Variants in EYS observed in about 807,000 individuals in gnomAD.
EYS encodes the protein EGF-like photoreceptor maintenance factor.
A neutral mutation model predicts 282.1 loss-of-function variants in EYS; 250 were observed. That is an observed-to-expected ratio of 0.89 (90% confidence interval 0.80 to 0.98). The LOEUF (loss-of-function observed/expected upper bound fraction) is 0.98, where lower values mean the gene tolerates loss of function less well. Among genes scored for constraint, EYS ranks in the 50% least tolerant of loss-of-function variants. EYS has a pLI of 0.00. For missense variants in EYS, 4,016 were observed against 3,709.0 expected (o/e 1.08, Z -2.15); for synonymous variants, 1,355 against 1,282.9 (o/e 1.06, Z -1.20).
At chr6:65,507,170 C>T (rs1216186309) in intron 2 of EYS, among the ~76,000 whole-genome samples, 1 of 151,572 alleles carries the variant, frequency 6.6e-6, no homozygotes, top group Non-Finnish European at 1.5e-5. Context: ...TACTTCTTCA[C>T]TTTTAAAGTA....
chr6:64,245,331 T>TTGTTC (rs1243994922), intron 30 of EYS, among the ~76,000 whole-genome samples: 6 of 151,852 alleles, frequency 4.0e-5, no homozygotes, highest in African/African-American at 1.5e-4. Context: ...TTGTTTTGTT[T>TTGTTC]TGTTTTGTTT....
At chr6:65,277,666 A>T (rs1768087242) in intron 12 of EYS, among the ~76,000 whole-genome samples, 1 of 152,122 alleles carries the variant, frequency 6.6e-6, no homozygotes, top group Non-Finnish European at 1.5e-5. Context: ...AACCAAACTG[A>T]CTTATCCATC....
intron 12 of EYS, among the ~76,000 whole-genome samples, chr6:65,068,902 C>G (rs971919840): frequency 6.6e-6 from 1 of 152,006 alleles, no homozygotes; most frequent in African/African-American, 2.4e-5. Context: ...CCTTAGTATA[C>G]TTTTAAATTT....
At chr6:64,699,257 A>T (rs568413785) in intron 22 of EYS, among the ~76,000 whole-genome samples, 2 of 152,218 alleles carry the variant, frequency 1.3e-5, no homozygotes, top group South Asian at 2.1e-4. Flanking sequence ...CTTTCTTACA[A>T]GTGGGAATTA....
intron 26 of EYS, among the ~76,000 whole-genome samples, chr6:64,528,689 T>A (rs1008042891): frequency 7.2e-5 from 11 of 151,990 alleles, no homozygotes; most frequent in African/African-American, 2.7e-4. Context: ...CTCAGCCACC[T>A]TAATCAGCCC....
chr6:64,470,933 A>G (rs927977902), intron 26 of EYS, among the ~76,000 whole-genome samples: 1 of 152,154 alleles, frequency 6.6e-6, no homozygotes, highest in Non-Finnish European at 1.5e-5. Context: ...TATAGCTTAA[A>G]ACTTCCCAAG....
chr6:63,988,774 A>C (rs1767481117), intron 34 of EYS, among the ~76,000 whole-genome samples: 1 of 151,688 alleles, frequency 6.6e-6, no homozygotes, highest in Non-Finnish European at 1.5e-5. Flanking sequence ...AAAAAGTATC[A>C]GTGAAAACTG....
At chr6:65,325,604 G>T (rs1047450619) in intron 11 of EYS, among the ~76,000 whole-genome samples, 2 of 152,190 alleles carry the variant, frequency 1.3e-5, no homozygotes, top group Middle Eastern at 3.4e-3. Context: ...GAATCAGATG[G>T]CTTAGTGATT....
intron 14 of EYS, among the ~76,000 whole-genome samples, chr6:64,982,062 A>C (rs1388342756): frequency 1.3e-5 from 2 of 151,496 alleles, no homozygotes; most frequent in African/African-American, 4.8e-5. Flanking sequence ...CCATGCCAGC[A>C]TTAATATCTT....
At chr6:65,288,243 T>G (rs756253405) in intron 12 of EYS, among the ~76,000 whole-genome samples, 8 of 150,864 alleles carry the variant, frequency 5.3e-5, no homozygotes, top group Non-Finnish European at 8.9e-5. Flanking sequence ...GACAAACATA[T>G]TATGTCTGAG....
At chr6:65,428,648 C>G (rs1207836815) in intron 5 of EYS, among the ~76,000 whole-genome samples, 1 of 152,066 alleles carries the variant, frequency 6.6e-6, no homozygotes, top group African/African-American at 2.4e-5. Flanking sequence ...GCATAAAATT[C>G]TCCTTCCCTT....
At chr6:65,242,261 G>C (rs1767075802) in intron 12 of EYS, among the ~76,000 whole-genome samples, 1 of 151,704 alleles carries the variant, frequency 6.6e-6, no homozygotes, top group South Asian at 2.1e-4. Context: ...TTTTAACCAG[G>C]AAAAGAATCT....
chr6:65,455,264 C>G (rs1764558488), intron 5 of EYS, among the ~76,000 whole-genome samples: 1 of 152,010 alleles, frequency 6.6e-6, no homozygotes, highest in African/African-American at 2.4e-5. Flanking sequence ...ATAGCTGTTG[C>G]AAATGAAATT....
At chr6:64,479,255 C>T (rs1262147476) in intron 26 of EYS, among the ~76,000 whole-genome samples, 1 of 151,934 alleles carries the variant, frequency 6.6e-6, no homozygotes, top group Admixed American at 6.6e-5. Context: ...TAACCAACCT[C>T]AAGACCCAGT....
chr6:63,794,912 T>C (rs1318066534), intron 37 of EYS, among the ~76,000 whole-genome samples: 1 of 152,196 alleles, frequency 6.6e-6, no homozygotes, highest in Non-Finnish European at 1.5e-5. Context: ...ACTTGTTGGA[T>C]ATTGCTTCAG....
chr6:65,490,135 A>G (rs752410618), intron 5 of EYS: 14 of 153,930 alleles, frequency 9.1e-5, no homozygotes, highest in Non-Finnish European at 1.3e-4. Context: ...ATTTAAAAAT[A>G]TATATTTCAT....
At chr6:64,565,750 T>TAACTTACA (rs1765545550) in intron 26 of EYS, among the ~76,000 whole-genome samples, 1 of 152,116 alleles carries the variant, frequency 6.6e-6, no homozygotes, top group Admixed American at 6.5e-5. Context: ...TAAGAGTATA[T>TAACTTACA]AACTTACATG....
chr6:65,674,245 C>G (rs2149834288), intron 1 of EYS, among the ~76,000 whole-genome samples: 2 of 151,622 alleles, frequency 1.3e-5, no homozygotes, highest in South Asian at 4.2e-4. Context: ...TGGCAGAAAA[C>G]TTCCCAAATT....
At chr6:64,178,963 T>C (rs1487854772) in intron 31 of EYS, among the ~76,000 whole-genome samples, 2 of 151,946 alleles carry the variant, frequency 1.3e-5, no homozygotes, top group African/African-American at 4.8e-5. Flanking sequence ...TTTGAAATTG[T>C]ACTCATAGTG....
Sources: gnomAD v4.1 joint callset for allele counts (sites outside exome capture counted in the v4.1 genomes callset) on GRCh38, gnomAD v4.1.1 for gene constraint, MANE v1.5 for transcripts, NCBI Gene and HGNC (gene_info 2026-07-23, HGNC 2026-07-21) for gene names.